GRK3: variants seen among roughly 807,000 people sequenced by gnomAD.
GRK3 encodes the protein G protein-coupled receptor kinase 3.
In GRK3, 54 loss-of-function variants were observed where a neutral mutation model predicts 95.7. The observed-to-expected ratio is 0.56, with a 90% CI of 0.45 to 0.71. The LOEUF (loss-of-function observed/expected upper bound fraction) is 0.71, where lower values mean the gene tolerates loss of function less well. GRK3 is among the 30% of genes least tolerant of loss of function. GRK3 has a pLI of 0.00. For missense variants in GRK3, 649 were observed against 851.2 expected (o/e 0.76, Z 2.96); for synonymous variants, 281 against 290.8 (o/e 0.97, Z 0.34).
intron 3 of GRK3, among the ~76,000 whole-genome samples, chr22:25,656,446 A>G (rs1203807644): frequency 2.0e-5 from 3 of 152,072 alleles, no homozygotes; most frequent in Non-Finnish European, 2.9e-5. Context: ...CCTCCTGAGT[A>G]GCTTAGATAA....
intron 2 of GRK3, among the ~76,000 whole-genome samples, chr22:25,613,944 G>T (rs1264804508): frequency 4.0e-5 from 6 of 150,784 alleles, no homozygotes; most frequent in Non-Finnish European, 8.9e-5. Context: ...AGTAGGGCTG[G>T]TTTTCCTTCT....
At chr22:25,576,595 A>T (rs1931908709) in intron 1 of GRK3, among the ~76,000 whole-genome samples, 1 of 152,246 alleles carries the variant, frequency 6.6e-6, no homozygotes, top group Admixed American at 6.5e-5. Context: ...TTATTTTAGA[A>T]GAAGGAAATT....
At chr22:25,673,703 C>G (rs2085003404) in intron 7 of GRK3, among the ~76,000 whole-genome samples, 1 of 152,030 alleles carries the variant, frequency 6.6e-6, no homozygotes, top group Admixed American at 6.6e-5. Context: ...TAGGTACTTG[C>G]TATTGTCTTA....
intron 3 of GRK3, among the ~76,000 whole-genome samples, chr22:25,650,054 CCA>C: frequency 6.6e-6 from 1 of 151,214 alleles, no homozygotes; most frequent in Non-Finnish European, 1.5e-5. Context: ...TGCATTGGCG[CCA>C]TCCTGGTTCA....
intron 3 of GRK3, among the ~76,000 whole-genome samples, chr22:25,654,859 C>T (rs989294470): frequency 3.9e-5 from 6 of 152,132 alleles, no homozygotes; most frequent in Non-Finnish European, 5.9e-5. Context: ...CAGCTCTTCT[C>T]ACCTCTCTTC....
chr22:25,579,502 TCA>T (rs1378334608), intron 1 of GRK3, among the ~76,000 whole-genome samples: 2 of 151,640 alleles, frequency 1.3e-5, no homozygotes, highest in African/African-American at 4.9e-5. Context: ...AGATGGTGTC[TCA>T]CTCTGTCCCC....
chr22:25,678,927 A>T lies in GRK3; in HGVS notation c.747+12A>T. ...TTGTCAGCACAGGAGTAAGTATTCAATTTCCAGCATTTCTTTTAAAAATGT... is the reference window on the plus strand; with the variant it reads ...TTGTCAGCACAGGAGTAAGTATTCATTTTCCAGCATTTCTTTTAAAAATGT... On this transcript the variant is annotated intron_variant, in intron 9 of 20. Coordinates refer to ENST00000324198, the MANE Select transcript of GRK3 (RefSeq NM_005160.4). The T allele has an allele frequency of 6.9e-7, 1 of 1,441,302 alleles. No individual in the cohort carries two copies. The highest frequency in any genetic ancestry group is 9.5e-7 in the Non-Finnish European group (1 of 1,050,464). The allele number at this position is 1,441,302 out of a possible 1,614,324, so 89.3% of individuals were successfully genotyped here.
At position 25,709,142 on chromosome 22, in the gene GRK3, G is replaced by A. The variant is rs377565536; in HGVS notation, c.1329-756G>A. ...AAGCTCCACCTCCCGGGTTCACGCC[G>A]TTCTCCTGCTTCAGCCTTCCGAGTA... On this transcript the variant is annotated intron_variant, in intron 15 of 20. Transcript: ENST00000324198. Among the ~76,000 whole-genome samples, 274 of 151,594 alleles carry A rather than the reference G, an allele frequency of 1.8e-3. 2 individuals are homozygous for A. In the Middle Eastern group the frequency reaches 0.024, roughly 13 times the overall value.
At chr22:25,634,980 G>A (rs1294075461) in intron 2 of GRK3, among the ~76,000 whole-genome samples, 2 of 152,120 alleles carry the variant, frequency 1.3e-5, no homozygotes, top group East Asian at 1.9e-4. Flanking sequence ...CAGAAAAGTC[G>A]TAAGAATGGT....
chr22:25,648,140 C>G (rs2084800162), intron 3 of GRK3: 1 of 634,448 alleles, frequency 1.6e-6, no homozygotes, highest in Admixed American at 2.7e-5. Flanking sequence ...GCAAACAGAA[C>G]AAAACAAAAC....
At chr22:25,696,787 A>T (rs1426663544) in intron 13 of GRK3, among the ~76,000 whole-genome samples, 1 of 152,222 alleles carries the variant, frequency 6.6e-6, no homozygotes, top group African/African-American at 2.4e-5. Flanking sequence ...TCTACTTTGC[A>T]TTCACTTGTG....
At position 25,621,179 on chromosome 22, in the gene GRK3, A is replaced by G. The variant is rs189411981; in HGVS notation, c.190+16726A>G. The stretch of plus-strand genomic sequence containing the variant: ...CTATTATCCCTGCTATAGAGATAGT[A>G]GAGTGAGGACAGCAATTCCCACAAG... On this transcript the variant is annotated intron_variant, in intron 2 of 20. Transcript: ENST00000324198. Among the ~76,000 whole-genome samples, 27 of 152,392 alleles carry G rather than the reference A, an allele frequency of 1.8e-4. No homozygotes were observed. The East Asian group carries it at 4.6e-3, about 26-fold the overall frequency.
intron 1 of GRK3, among the ~76,000 whole-genome samples, chr22:25,571,012 A>G (rs1931681940): frequency 1.3e-5 from 2 of 152,208 alleles, no homozygotes; most frequent in South Asian, 4.1e-4. Context: ...CATATTTTGT[A>G]AAATATTTTG....
At chr22:25,621,638 C>T (rs2084586885) in intron 2 of GRK3, among the ~76,000 whole-genome samples, 1 of 152,170 alleles carries the variant, frequency 6.6e-6, no homozygotes, top group Admixed American at 6.5e-5. Flanking sequence ...TGATTATTTG[C>T]ATAAAGGGCA....
chr22:25,645,785 G>A (rs1048878412), intron 3 of GRK3, among the ~76,000 whole-genome samples: 1 of 152,184 alleles, frequency 6.6e-6, no homozygotes, highest in African/African-American at 2.4e-5. Context: ...GCCAGGCGTA[G>A]TGGTGGGCGC....
Position 25,726,217 on chromosome 22 carries a change from A to G in GRK3, c.*3767A>G, listed in dbSNP as rs2085472845. The G allele has an allele frequency of 6.6e-6, 1 of 152,198 alleles. No individual in the cohort carries two copies. Among genetic ancestry groups the G allele is most frequent in the Non-Finnish European group, 1.5e-5 (1 of 68,028 alleles). The allele number at this position is 152,198 out of a possible 1,614,324, so 9.4% of individuals were successfully genotyped here. ...AGTGTGGTTTTTCTCTGCTTTTTAA[A>G]ATTTCACTCGGAATTTGTAGCTGGG... On this transcript the variant is annotated 3_prime_UTR_variant, in exon 21 of 21. Transcript: ENST00000324198.
chr22:25,568,814 A>T (rs1217857744), intron 1 of GRK3, among the ~76,000 whole-genome samples: 1 of 152,274 alleles, frequency 6.6e-6, no homozygotes, highest in Non-Finnish European at 1.5e-5. Context: ...ATATAGAATA[A>T]TAAAGAATGA....
chr22:25,591,693 C>T (rs541836007), intron 1 of GRK3, among the ~76,000 whole-genome samples: 15 of 152,210 alleles, frequency 9.9e-5, no homozygotes, highest in African/African-American at 2.9e-4. Flanking sequence ...TTTATTATAC[C>T]ACATGCACCA....
chr22:25,722,214 A>G, intron 20 of GRK3, 75 bp from the exon 21 acceptor site: 4 of 1,545,056 alleles, frequency 2.6e-6, no homozygotes, highest in Non-Finnish European at 3.5e-6. Context: ...GACGCTGGTA[A>G]TCAATAGGGG....
Sources: gnomAD v4.1 joint callset for allele counts (sites outside exome capture counted in the v4.1 genomes callset) on GRCh38, gnomAD v4.1.1 for gene constraint, MANE v1.5 for transcripts, NCBI Gene and HGNC (gene_info 2026-07-23, HGNC 2026-07-21) for gene names.